NDUFAF2: variants seen among roughly 807,000 people sequenced by gnomAD.
NDUFAF2 encodes NADH:ubiquinone oxidoreductase complex assembly factor 2.
Under a neutral mutation model 22.8 loss-of-function variants are expected in NDUFAF2, and 13 were observed. The ratio of observed to expected loss-of-function variants is 0.57; its 90% CI spans 0.37 to 0.91. NDUFAF2 has a LOEUF of 0.91. Ranked by LOEUF, NDUFAF2 falls within the 40% of genes least tolerant of loss-of-function variation. The pLI, the probability that NDUFAF2 is intolerant of heterozygous loss-of-function variation, is 0.01. For missense variants in NDUFAF2, 162 were observed against 195.2 expected (o/e 0.83, Z 1.01); for synonymous variants, 53 against 64.2 (o/e 0.83, Z 0.84).
intron 3 of NDUFAF2, among the ~76,000 whole-genome samples, chr5:61,140,974 A>C (rs1401458134): frequency 1.3e-5 from 2 of 152,230 alleles, no homozygotes; most frequent in Non-Finnish European, 1.5e-5. Flanking sequence ...CACGCCTGTA[A>C]TCCCAGCACT....
At chr5:61,036,989 A>G (rs726824) in intron 1 of NDUFAF2, among the ~76,000 whole-genome samples, 63,157 of 151,726 alleles carry the variant, frequency 0.42, 14,012 homozygotes, top group East Asian at 0.8. Context: ...CACCATCCTA[A>G]ATTTTTTTTC....
intron 1 of NDUFAF2, among the ~76,000 whole-genome samples, chr5:60,990,824 G>A (rs576346808): frequency 3.3e-4 from 51 of 152,260 alleles, no homozygotes; most frequent in African/African-American, 1.2e-3. Context: ...AGGTGTGTGT[G>A]TGTAACTTTA....
chr5:61,067,228 A>G (rs1178747816), intron 1 of NDUFAF2, among the ~76,000 whole-genome samples: 1 of 152,054 alleles, frequency 6.6e-6, no homozygotes, highest in African/African-American at 2.4e-5. Context: ...TTACATATGT[A>G]TACATGTGCC....
chr5:61,044,176 C>A (rs1005119451), intron 1 of NDUFAF2, among the ~76,000 whole-genome samples: 5 of 151,360 alleles, frequency 3.3e-5, no homozygotes, highest in African/African-American at 4.9e-5. Context: ...CTATTTAGGT[C>A]CTTTGCTTAT....
At chr5:60,978,645 G>T (rs1330778656) in intron 1 of NDUFAF2, among the ~76,000 whole-genome samples, 1 of 152,092 alleles carries the variant, frequency 6.6e-6, no homozygotes, top group Non-Finnish European at 1.5e-5. Flanking sequence ...CTTCCACCAG[G>T]TCCCATCTCC....
At position 61,152,818 on chromosome 5, in the gene NDUFAF2, G is replaced by T. The variant is rs1196538331; in HGVS notation, c.373G>T (p.Val125Phe). 12 of 1,604,306 alleles carry T rather than the reference G, an allele frequency of 7.5e-6. No homozygotes were observed. The highest frequency in any genetic ancestry group is 1.0e-5 in the Non-Finnish European group (12 of 1,174,684). Residue 125 changes from valine to phenylalanine, a missense_variant, in exon 4 of 4, where the codon GTT becomes TTT. Physicochemically the swap from Val to Phe is conservative, Grantham distance 50. Around this residue, in one of 2 missense-constraint regions of NDUFAF2, gnomAD observed 68 missense variants for 110.0 expected, o/e 0.62. Transcript: ENST00000296597. ...CAGTGAGGAACTCCTGCCTCCACCA[G>T]TTCAAACTCAAATTAAAGGCCATGC... Reference protein sequence around the residue: ...ETSEELLPPPVQTQIKGHASA... With the variant: ...ETSEELLPPPFQTQIKGHASA...
chr5:60,972,789 G>GTTTTTTTTTTTTTTTTTTGT (rs1750853094), intron 1 of NDUFAF2, among the ~76,000 whole-genome samples: 1 of 128,646 alleles, frequency 7.8e-6, no homozygotes, highest in Non-Finnish European at 1.7e-5. Flanking sequence ...TTTTTTTTTG[G>GTTTTTTTTTTTTTTTTTTGT]TTTTCTTTTT....
intron 1 of NDUFAF2, among the ~76,000 whole-genome samples, chr5:60,950,274 C>T (rs897833303): frequency 2.0e-5 from 3 of 152,080 alleles, no homozygotes; most frequent in Non-Finnish European, 4.4e-5. Flanking sequence ...GCAACCTCCA[C>T]CTCCTGGTTT....
chr5:61,053,570 G>C (rs1752050364), intron 1 of NDUFAF2, among the ~76,000 whole-genome samples: 2 of 152,088 alleles, frequency 1.3e-5, no homozygotes, highest in African/African-American at 4.8e-5. Context: ...CTCTTCATTG[G>C]CCCAGCAGGG....
chr5:61,112,997 A>G (rs2111786860), intron 3 of NDUFAF2, among the ~76,000 whole-genome samples: 1 of 151,838 alleles, frequency 6.6e-6, no homozygotes, highest in African/African-American at 2.4e-5. Context: ...CTTAACACTG[A>G]TTGCATAAAC....
intron 3 of NDUFAF2, among the ~76,000 whole-genome samples, chr5:61,107,139 T>C (rs138050855): frequency 8.6e-5 from 13 of 150,612 alleles, no homozygotes; most frequent in African/African-American, 3.2e-4. Flanking sequence ...GTTCCATTTT[T>C]AGTTTTTTCA....
At chr5:61,125,731 C>G (rs180818923) in intron 3 of NDUFAF2, among the ~76,000 whole-genome samples, 24 of 152,024 alleles carry the variant, frequency 1.6e-4, no homozygotes, top group African/African-American at 5.3e-4. Context: ...AAGCCTGTTG[C>G]CAGTTGGATA....
At position 61,152,890 on chromosome 5, in the gene NDUFAF2, A is replaced by G; in HGVS notation, c.445A>G (p.Ser149Gly). ...GKEEPSVAPS[S>G]TGKTFQPGSW... ...GGAAGAACCCTCAGTGGCTCCCAGC[A>G]GCACTGGTAAAACCTTTCAGCCAGG... The change falls in exon 4 of 4, where the codon AGC becomes GGC. Residue 149 changes from serine (S) to glycine (G), a missense_variant. Ser to Gly is a moderately conservative substitution (Grantham distance 56). This residue lies in a region of NDUFAF2 where 68 missense variants were observed against 110.0 expected (regional missense o/e 0.62). Transcript: ENST00000296597. 1 of 1,613,032 alleles carries G rather than the reference A, an allele frequency of 6.2e-7. No homozygotes were observed. Among genetic ancestry groups the G allele is most frequent in the Non-Finnish European group, 8.5e-7 (1 of 1,179,346 alleles).
chr5:61,134,019 G>A (rs781057471), intron 3 of NDUFAF2, among the ~76,000 whole-genome samples: 29 of 152,098 alleles, frequency 1.9e-4, no homozygotes, highest in Admixed American at 5.2e-4. Flanking sequence ...TAGTAAATAC[G>A]TCATAGTAAA....
chr5:60,964,700 C>G (rs1223522556), intron 1 of NDUFAF2, among the ~76,000 whole-genome samples: 1 of 152,112 alleles, frequency 6.6e-6, no homozygotes, highest in African/African-American at 2.4e-5. Context: ...GATCTGCCTG[C>G]CTTGGCCTAC....
At chr5:61,006,444 T>G (rs963477561) in intron 1 of NDUFAF2, among the ~76,000 whole-genome samples, 2 of 152,204 alleles carry the variant, frequency 1.3e-5, no homozygotes, top group African/African-American at 4.8e-5. Context: ...TGGTTCCATA[T>G]GAACTTTAAA....
intron 1 of NDUFAF2, among the ~76,000 whole-genome samples, chr5:61,049,886 T>TACACACACACACACACACAC (rs70977822): frequency 1.4e-5 from 2 of 144,340 alleles, no homozygotes; most frequent in African/African-American, 5.2e-5. Flanking sequence ...ATTTAAATTA[T>TACACACACACACACACACAC]ACACACACAC....
At chr5:60,992,475 T>G (rs1379857222) in intron 1 of NDUFAF2, among the ~76,000 whole-genome samples, 1 of 152,224 alleles carries the variant, frequency 6.6e-6, no homozygotes, top group Admixed American at 6.5e-5. Context: ...TTTGATTTGA[T>G]TTTTATATAT....
intron 1 of NDUFAF2, among the ~76,000 whole-genome samples, chr5:61,064,726 A>G (rs1752207637): frequency 6.6e-6 from 1 of 152,130 alleles, no homozygotes; most frequent in African/African-American, 2.4e-5. Flanking sequence ...GGGATGCAGC[A>G]AACGCATTTC....
Sources: gnomAD v4.1 joint callset for allele counts (sites outside exome capture counted in the v4.1 genomes callset) on GRCh38, gnomAD v4.1.1 for gene constraint, gnomAD v4.1.1 regional missense constraint, MANE v1.5 for transcripts, NCBI Gene and HGNC (gene_info 2026-07-23, HGNC 2026-07-21) for gene names.